MKLN1: variants seen among roughly 807,000 people sequenced by gnomAD.
The protein encoded by MKLN1 is muskelin 1.
MKLN1 carries 18 observed loss-of-function variants against 99.0 expected under a neutral mutation model. The ratio of observed to expected loss-of-function variants is 0.18; its 90% CI spans 0.13 to 0.27. MKLN1 has a LOEUF of 0.27. MKLN1 is among the 10% of genes least tolerant of loss of function. The pLI is 1.00. For synonymous variants in MKLN1, 288 were observed against 293.2 expected (o/e 0.98, Z 0.18); for missense variants, 621 against 875.9 (o/e 0.71, Z 3.67).
chr7:131,260,762 A>G (rs1004026241), intron 3 of MKLN1, among the ~76,000 whole-genome samples: 6 of 152,246 alleles, frequency 3.9e-5, no homozygotes, highest in Admixed American at 6.5e-5. Flanking sequence ...AGAGGGCTAC[A>G]ATAACCAAAA....
chr7:131,450,126 C>G (rs1796137278), intron 12 of MKLN1, among the ~76,000 whole-genome samples: 1 of 152,166 alleles, frequency 6.6e-6, no homozygotes, highest in African/African-American at 2.4e-5. Flanking sequence ...CTAACATCAC[C>G]TATTTGGCCT....
At chr7:131,465,781 C>T (rs1000829639) in intron 14 of MKLN1, among the ~76,000 whole-genome samples, 13 of 152,104 alleles carry the variant, frequency 8.5e-5, no homozygotes, top group Admixed American at 7.2e-4. Context: ...CCTCATGATC[C>T]GCCTGCCTCG....
intron 1 of MKLN1, among the ~76,000 whole-genome samples, chr7:131,368,014 G>A (rs1379301169): frequency 6.6e-6 from 1 of 152,148 alleles, no homozygotes; most frequent in African/African-American, 2.4e-5. Flanking sequence ...ACTAGTGATG[G>A]TAGATTGTAT....
intron 2 of MKLN1, among the ~76,000 whole-genome samples, chr7:131,173,265 A>G (rs974549176): frequency 2.6e-5 from 4 of 152,160 alleles, no homozygotes; most frequent in Non-Finnish European, 5.9e-5. Context: ...ATTAAATCTA[A>G]TAAGGGAAAA....
At chr7:131,384,944 G>A (rs971454187) in intron 2 of MKLN1, among the ~76,000 whole-genome samples, 2 of 152,194 alleles carry the variant, frequency 1.3e-5, no homozygotes, top group African/African-American at 4.8e-5. Flanking sequence ...GACATTTAGT[G>A]CATTTACAGA....
chr7:131,419,082 T>C (rs1037057391), intron 8 of MKLN1, among the ~76,000 whole-genome samples: 4 of 152,052 alleles, frequency 2.6e-5, no homozygotes, highest in Admixed American at 2.6e-4. Flanking sequence ...GATTTTTTGT[T>C]CTGTTCTCAG....
intron 11 of MKLN1, among the ~76,000 whole-genome samples, chr7:131,444,617 G>A (rs1795940010): frequency 1.3e-5 from 2 of 151,588 alleles, no homozygotes; most frequent in African/African-American, 2.4e-5. Flanking sequence ...AGCGCAGATC[G>A]TAGCTCACTA....
At chr7:131,439,061 C>T (rs1680386931) in intron 10 of MKLN1, among the ~76,000 whole-genome samples, 1 of 151,954 alleles carries the variant, frequency 6.6e-6, no homozygotes. Context: ...GGAAATACTC[C>T]CCAGCTTAAA....
At chr7:131,325,066 A>G (rs1408630895), upstream of MKLN1, among the ~76,000 whole-genome samples, 1 of 152,038 alleles carries the variant, frequency 6.6e-6, no homozygotes, top group African/African-American at 2.4e-5. Context: ...TTTGCAACTC[A>G]GAAGTCTCTA....
At chr7:131,322,619 G>A (rs954609045) in intron 3 of MKLN1, among the ~76,000 whole-genome samples, 15 of 144,636 alleles carry the variant, frequency 1.0e-4, no homozygotes, top group East Asian at 2.0e-4. Context: ...GCCGGACTGC[G>A]GACTGCAGTG....
In MKLN1 at chr7:131,157,046, C is replaced by G. The variant is rs374338198; in HGVS notation, c.-297+14105C>G. ...AGGGTTGCTGTGGTTGTCTAACTCC[C>G]CCCAGCTGTCTTCCTACAGGATCAA... On this transcript the variant is annotated intron_variant, in intron 2 of 7. Coordinates refer to the MKLN1 transcript ENST00000416992. Among the ~76,000 whole-genome samples the G allele has an allele frequency of 3.4e-4, 52 of 152,212 alleles. No homozygotes were observed. The East Asian group carries it at 3.5e-3, about 10-fold the overall frequency.
Position 131,429,210 on chromosome 7 carries a change from G to A in MKLN1, c.960+65G>A, listed in dbSNP as rs536323275. On this transcript the variant is annotated intron_variant, in intron 9 of 17. Coordinates refer to ENST00000352689, the MANE Select transcript of MKLN1 (RefSeq NM_013255.5). ...GGGCGTAGATGTGCACTTGTTTTTCGGCATGATTATATTCTTCACTAATGT... is the reference window on the plus strand; with the variant it reads ...GGGCGTAGATGTGCACTTGTTTTTCAGCATGATTATATTCTTCACTAATGT... 1.4e-3 allele frequency: 1,523 copies of A among 1,096,042 alleles called. 28 individuals are homozygous for A. In the Admixed American group the frequency reaches 0.029, roughly 21 times the overall value. 67.9% of individuals were successfully genotyped at this position (1,096,042 alleles called of 1,614,324 possible). A position where few individuals can be genotyped will look rare whatever the true frequency, so the allele number is the denominator to read the frequency against.
chr7:131,248,029 G>T (rs1584866144), intron 3 of MKLN1, among the ~76,000 whole-genome samples: 2 of 151,918 alleles, frequency 1.3e-5, no homozygotes, highest in African/African-American at 4.8e-5. Flanking sequence ...CTCCCAAGTA[G>T]CTGAGACTAC....
chr7:131,384,039 C>A (rs1225808355), intron 2 of MKLN1, among the ~76,000 whole-genome samples: 1 of 152,222 alleles, frequency 6.6e-6, no homozygotes, highest in Non-Finnish European at 1.5e-5. Flanking sequence ...ATTGCACAAA[C>A]TGCATGATCT....
In MKLN1 at chr7:131,305,826, C is replaced by T. The variant is rs780068529; in HGVS notation, c.-178-69598C>T. Among the ~76,000 whole-genome samples, 151 of 152,196 alleles carry T rather than the reference C, an allele frequency of 9.9e-4. 1 individual carries two copies. The highest frequency in any genetic ancestry group is 5.7e-4 in the Non-Finnish European group (39 of 68,012). On this transcript the variant is annotated intron_variant, in intron 3 of 7. Coordinates refer to the MKLN1 transcript ENST00000416992. ...GTTGCAAGGAAAAGAGAGTGGATAG[C>T]GACAAACCAAACACAATGAGTTATT...
At chr7:131,417,648 GT>G (rs1382840233) in intron 8 of MKLN1, among the ~76,000 whole-genome samples, 4 of 152,208 alleles carry the variant, frequency 2.6e-5, no homozygotes, top group Admixed American at 2.6e-4. Flanking sequence ...TTCCTCTTCT[GT>G]TTTTTTGTTT....
In MKLN1 at chr7:131,487,713, C is replaced by T; in HGVS notation, c.2193C>T (p.Asp731=). 1 of 1,612,642 alleles carries T rather than the reference C, an allele frequency of 6.2e-7. No individual in the cohort carries two copies. The change falls in exon 18 of 18, where the codon GAC becomes GAT. Residue 731 remains aspartate, a synonymous_variant. Transcript: ENST00000352689. The surrounding 1 kb of genome is among the most constrained non-coding windows in gnomAD (Gnocchi z 4.7). The part of the protein sequence containing the change: ...SMTPPKGNLV[D]LITL Reference sequence around the variant, plus strand: ...CTCCTCCTAAAGGCAACCTGGTAGACCTCATCACACTGTAACTGAAGAGTC... The same window carrying T: ...CTCCTCCTAAAGGCAACCTGGTAGATCTCATCACACTGTAACTGAAGAGTC...
At chr7:131,475,755 G>A (rs1358046518) in intron 16 of MKLN1, among the ~76,000 whole-genome samples, 1 of 152,176 alleles carries the variant, frequency 6.6e-6, no homozygotes, top group African/African-American at 2.4e-5. Flanking sequence ...AGGCTGCAGT[G>A]AGCTGTGATC....
At chr7:131,279,224 G>A (rs1228818114) in intron 3 of MKLN1, among the ~76,000 whole-genome samples, 1 of 152,180 alleles carries the variant, frequency 6.6e-6, no homozygotes, top group African/African-American at 2.4e-5. Flanking sequence ...AAAGCTATGA[G>A]AAAACTAAAA....
Sources: gnomAD v4.1 joint callset for allele counts (sites outside exome capture counted in the v4.1 genomes callset) on GRCh38, gnomAD v4.1.1 for gene constraint, Gnocchi (gnomAD v3.1) non-coding constraint, MANE v1.5 for transcripts, NCBI Gene and HGNC (gene_info 2026-07-23, HGNC 2026-07-21) for gene names.